The following POR variants were observed in gnomAD, a reference collection of about 807,000 sequenced individuals.
POR encodes NADPH--cytochrome P450 reductase.
Under a neutral mutation model 84.0 loss-of-function variants are expected in POR, and 56 were observed. The observed-to-expected ratio is 0.67, with a 90% CI of 0.54 to 0.83. POR has a LOEUF of 0.83. POR is among the 40% of genes least tolerant of loss of function. POR has a pLI of 0.00. For missense variants in POR, 938 were observed against 944.3 expected (o/e 0.99, Z 0.09); for synonymous variants, 414 against 400.5 (o/e 1.03, Z -0.40).
At chr7:75,983,011 T>A (rs1554558361) in intron 8 of POR, among the ~76,000 whole-genome samples, 1 of 152,158 alleles carries the variant, frequency 6.6e-6, no homozygotes, top group East Asian at 1.9e-4. Context: ...CAGACACTGA[T>A]GACCCAGCTC....
chr7:75,986,580 A>G lies in POR; in HGVS notation c.*99A>G. On this transcript the variant is annotated 3_prime_UTR_variant, in exon 16 of 16. Transcript: ENST00000461988. Reference sequence around the variant, plus strand: ...TGGGTGTGTTTGGCTTGGCCTTGGCATGGGCGCAGGCCCAGTGACAAAGAC... The same window carrying G: ...TGGGTGTGTTTGGCTTGGCCTTGGCGTGGGCGCAGGCCCAGTGACAAAGAC... The G allele has an allele frequency of 3.5e-6, 5 of 1,435,866 alleles. No homozygotes were observed. The East Asian group carries it at 7.4e-5, about 21-fold the overall frequency. The allele number at this position is 1,435,866 out of a possible 1,614,324, so 88.9% of individuals were successfully genotyped here.
chr7:75,985,911 C>G lies in POR; in HGVS notation c.1670-12C>G, dbSNP rs369107420. ...TGGGAGCCCCGCGCTCACCCCGGCC[C>G]CTGCCACGCAGGCAAGGAGGTGGGG... On this transcript the variant is annotated splice_polypyrimidine_tract_variant and intron_variant, in intron 13 of 15. Transcript: ENST00000461988. 6.4e-7 allele frequency: 1 copy of G among 1,574,684 alleles called. No individual in the cohort carries two copies. Among genetic ancestry groups the G allele is most frequent in the Non-Finnish European group, 8.6e-7 (1 of 1,159,238 alleles).
chr7:75,953,202 G>T (rs868922181), intron 1 of POR, among the ~76,000 whole-genome samples: 1 of 151,664 alleles, frequency 6.6e-6, no homozygotes, highest in South Asian at 2.1e-4. Context: ...GCCTGCAATC[G>T]CAGGCACTCG....
intron 1 of POR, among the ~76,000 whole-genome samples, chr7:75,948,648 A>G (rs76217119): frequency 0.078 from 11,919 of 152,258 alleles, 1,461 homozygotes; most frequent in African/African-American, 0.26. Flanking sequence ...CTGTATGCCA[A>G]GCACTGCCAA....
intron 2 of POR, among the ~76,000 whole-genome samples, chr7:75,954,526 CATTTATTT>C (rs573396943): frequency 6.6e-6 from 1 of 151,720 alleles, no homozygotes; most frequent in Admixed American, 6.6e-5. Context: ...CCCTTTTTTC[CATTTATTT>C]ATTTATTTAT....
intron 1 of POR, among the ~76,000 whole-genome samples, chr7:75,922,014 C>G (rs1173517617): frequency 6.6e-6 from 1 of 152,180 alleles, no homozygotes; most frequent in Non-Finnish European, 1.5e-5. Context: ...GTCACTGTCA[C>G]TGTCTTATTG....
At chr7:75,928,207 G>A (rs1807241489) in intron 1 of POR, among the ~76,000 whole-genome samples, 1 of 152,056 alleles carries the variant, frequency 6.6e-6, no homozygotes, top group South Asian at 2.1e-4. Context: ...CTGACCTTGT[G>A]ATCCACCCGC....
chr7:75,931,986 T>A (rs1405006635), intron 1 of POR, among the ~76,000 whole-genome samples: 1 of 152,208 alleles, frequency 6.6e-6, no homozygotes, highest in Non-Finnish European at 1.5e-5. Flanking sequence ...CACCTGCTGC[T>A]AGGCCTCTGT....
At chr7:75,929,665 CA>C in intron 1 of POR, among the ~76,000 whole-genome samples, 1 of 152,282 alleles carries the variant, frequency 6.6e-6, no homozygotes, top group East Asian at 1.9e-4. Flanking sequence ...GGCCTCAGCC[CA>C]GGGGCCATCT....
At position 75,986,515 on chromosome 7, in the gene POR, G is replaced by A. The variant is rs372391161; in HGVS notation, c.*34G>A. The A allele has an allele frequency of 4.7e-5, 75 of 1,596,810 alleles. No individual in the cohort carries two copies. The highest frequency in any genetic ancestry group is 3.3e-4 in the South Asian group (30 of 90,170). On this transcript the variant is annotated 3_prime_UTR_variant, in exon 16 of 16. Transcript: ENST00000461988. Reference sequence around the variant, plus strand: ...CTGCCCCACCCACCCCACAGACTCCGGCCTGTAATCAGCTCTCCTGGCTCC... The same window carrying A: ...CTGCCCCACCCACCCCACAGACTCCAGCCTGTAATCAGCTCTCCTGGCTCC...
At chr7:75,975,814 A>ATTTTTTT (rs539245771) in intron 3 of POR, among the ~76,000 whole-genome samples, 18,780 of 81,850 alleles carry the variant, frequency 0.23, 3,079 homozygotes, top group Non-Finnish European at 0.31. Flanking sequence ...AGCTGTTCAG[A>ATTTTTTT]TTTTTTTTTT....
At chr7:75,941,417 A>G (rs533802587) in intron 1 of POR, among the ~76,000 whole-genome samples, 3 of 152,078 alleles carry the variant, frequency 2.0e-5, no homozygotes, top group Admixed American at 2.0e-4. Context: ...CCAGCTCCAT[A>G]TTGCTTTGTG....
chr7:75,952,231 C>T (rs868984748), intron 1 of POR, among the ~76,000 whole-genome samples: 2 of 132,072 alleles, frequency 1.5e-5, no homozygotes, highest in Middle Eastern at 5.2e-3. Context: ...GCTGGCCGGG[C>T]GGGGGGCTGA....
chr7:75,978,434 G>T (rs563743091), intron 3 of POR, among the ~76,000 whole-genome samples: 1 of 152,340 alleles, frequency 6.6e-6, no homozygotes, highest in East Asian at 1.9e-4. Context: ...GTAATCTAGA[G>T]ATGATTTAAA....
rs182002950 is a variant in POR at position 75,980,121 on chromosome 7, C to T, written c.367-218C>T. Among the ~76,000 whole-genome samples, 261 of 152,324 alleles carry T rather than the reference C, an allele frequency of 1.7e-3. 1 individual carries two copies. The highest frequency in any genetic ancestry group is 6.6e-3 in the Admixed American group (101 of 15,306). ...CTTTCCTCTAGAAACACATCCTCTC[C>T]GCTCCAGCCTAACACGGGTGACCTT... On this transcript the variant is annotated intron_variant, in intron 4 of 15. Transcript: ENST00000461988.
chr7:75,986,470 G>C lies in POR; in HGVS notation c.2032G>C (p.Val678Leu), dbSNP rs375406404. The change falls in exon 16 of 16, where the codon GTG (valine) becomes CTG (leucine). Residue 678 changes from valine (V) to leucine (L), a missense_variant. Physicochemically the swap from Val to Leu is conservative, Grantham distance 32. Transcript: ENST00000461988. Reference sequence around the variant, plus strand: ...GACCAAGGGCCGCTACTCCCTGGACGTGTGGAGCTAGGGGCCTGCCTGCCC... The same window carrying C: ...GACCAAGGGCCGCTACTCCCTGGACCTGTGGAGCTAGGGGCCTGCCTGCCC... 2 of 1,610,122 alleles carry C rather than the reference G, an allele frequency of 1.2e-6. No individual in the cohort carries two copies. Among genetic ancestry groups the C allele is most frequent in the Non-Finnish European group, 1.7e-6 (2 of 1,179,672 alleles).
chr7:75,943,090 T>G lies in POR; in HGVS notation c.-4-10899T>G, dbSNP rs184938469. On this transcript the variant is annotated intron_variant, in intron 1 of 15. Coordinates refer to ENST00000461988, the MANE Select transcript of POR (RefSeq NM_000941.3). ...CCTCAGCCTCCTGAGTAGCTGGGAC[T>G]ACAGGCACGTGGCACCACACCCAGC... Among the ~76,000 whole-genome samples, 348 of 152,096 alleles carry G rather than the reference T, an allele frequency of 2.3e-3. 1 individual carries two copies. The highest frequency in any genetic ancestry group is 8.0e-3 in the African/African-American group (331 of 41,516).
chr7:75,972,478 T>G lies in POR; in HGVS notation c.237+17T>G, dbSNP rs781845223. ...AAGAAAACGGTGAGTTTCCTGCATGTCTTTACTCTTCTCAGGAAGCCTCGG... is the reference window on the plus strand; with the variant it reads ...AAGAAAACGGTGAGTTTCCTGCATGGCTTTACTCTTCTCAGGAAGCCTCGG... On this transcript the variant is annotated intron_variant, in intron 3 of 15. Coordinates refer to ENST00000461988, the MANE Select transcript of POR (RefSeq NM_000941.3). The G allele has an allele frequency of 1.9e-6, 3 of 1,591,906 alleles. No individual in the cohort carries two copies. Among genetic ancestry groups the G allele is most frequent in the Non-Finnish European group, 2.6e-6 (3 of 1,167,656 alleles).
intron 4 of POR, chr7:75,979,875 C>G: frequency 2.4e-6 from 1 of 410,284 alleles, no homozygotes; most frequent in Non-Finnish European, 4.5e-6. Flanking sequence ...CCCACCCTCC[C>G]CAGCTGCTCC....
Sources: allele counts gnomAD v4.1 joint callset (sites outside exome capture counted in the v4.1 genomes callset), GRCh38; gene constraint gnomAD v4.1.1; transcripts MANE v1.5; gene names NCBI Gene and HGNC (gene_info 2026-07-23, HGNC 2026-07-21).